Variants in NOS1AP observed in about 807,000 individuals in gnomAD.
The protein encoded by NOS1AP is nitric oxide synthase 1 adaptor protein, also known as carboxyl-terminal PDZ ligand of neuronal nitric oxide synthase protein.
In NOS1AP, 21 loss-of-function variants were observed where a neutral mutation model predicts 56.2. The ratio of observed to expected loss-of-function variants is 0.37; its 90% CI spans 0.26 to 0.54. The LOEUF (loss-of-function observed/expected upper bound fraction) is 0.54, where lower values mean the gene tolerates loss of function less well. Ranked by LOEUF, NOS1AP falls within the 20% of genes least tolerant of loss-of-function variation. NOS1AP has a pLI of 0.84. For synonymous variants in NOS1AP, 270 were observed against 274.6 expected (o/e 0.98, Z 0.17); for missense variants, 522 against 657.8 (o/e 0.79, Z 2.26).
At chr1:162,219,028 C>A (rs1382277674) in intron 2 of NOS1AP, among the ~76,000 whole-genome samples, 2 of 152,038 alleles carry the variant, frequency 1.3e-5, no homozygotes, top group African/African-American at 2.4e-5. Context: ...GCAGCAGCAG[C>A]AGAATGTGCA....
chr1:162,317,727 A>G (rs1247640888), intron 4 of NOS1AP: 3 of 152,126 alleles, frequency 2.0e-5, no homozygotes, highest in Non-Finnish European at 2.9e-5. Flanking sequence ...TAACAGCAAA[A>G]TGATTTTGAT....
At chr1:162,193,734 C>T (rs1323211414) in intron 2 of NOS1AP, among the ~76,000 whole-genome samples, 1 of 152,114 alleles carries the variant, frequency 6.6e-6, no homozygotes, top group Admixed American at 6.5e-5. Flanking sequence ...AAAAGGGGCC[C>T]TTTTCAGAAA....
intron 2 of NOS1AP, among the ~76,000 whole-genome samples, chr1:162,211,676 T>C (rs1410706827): frequency 6.6e-6 from 1 of 152,188 alleles, no homozygotes; most frequent in East Asian, 1.9e-4. Context: ...CTTTCTTTCC[T>C]TGTTTCCCTG....
At chr1:162,332,869 G>A in intron 4 of NOS1AP, 148 bp from the exon 5 acceptor site, 1 of 688,064 alleles carries the variant, frequency 1.5e-6, no homozygotes, top group East Asian at 2.7e-5. Flanking sequence ...CCTGCATTGT[G>A]ACTTTTTGAT....
chr1:162,128,753 CAG>C (rs1168516468), intron 1 of NOS1AP, among the ~76,000 whole-genome samples: 1 of 149,880 alleles, frequency 6.7e-6, no homozygotes, highest in Non-Finnish European at 1.5e-5. Flanking sequence ...ATTCTACAAA[CAG>C]GGAAAAAAAA....
chr1:162,119,497 G>C (rs892413479), intron 1 of NOS1AP, among the ~76,000 whole-genome samples: 1 of 152,174 alleles, frequency 6.6e-6, no homozygotes, highest in East Asian at 1.9e-4. Flanking sequence ...TTCTATAAAA[G>C]CCAAAAAACA....
rs995052641 is a variant in NOS1AP at position 162,156,494 on chromosome 1, T to A, written c.177+2018T>A. Among the ~76,000 whole-genome samples, 3 of 152,148 alleles carry A rather than the reference T, an allele frequency of 2.0e-5. No homozygotes were observed. The South Asian group carries it at 6.2e-4, about 32-fold the overall frequency. ...GCCTCGGCTGGGGAACATCTGGAGG[T>A]GTTACAGTTGTTAGGATGGGCTGCT... On this transcript the variant is annotated intron_variant, in intron 2 of 9. Coordinates refer to ENST00000361897, the MANE Select transcript of NOS1AP (RefSeq NM_014697.3).
At chr1:162,097,017 C>T (rs1692259234) in intron 1 of NOS1AP, among the ~76,000 whole-genome samples, 1 of 152,048 alleles carries the variant, frequency 6.6e-6, no homozygotes, top group African/African-American at 2.4e-5. Context: ...TGTAAGATTG[C>T]TGGAGGGATA....
intron 4 of NOS1AP, among the ~76,000 whole-genome samples, chr1:162,318,921 A>G (rs956694484): frequency 2.6e-5 from 4 of 152,108 alleles, no homozygotes; most frequent in African/African-American, 4.8e-5. Flanking sequence ...TACACAGCTC[A>G]GAATCATATC....
At chr1:162,102,330 G>A (rs10918681) in intron 1 of NOS1AP, among the ~76,000 whole-genome samples, 77,149 of 152,080 alleles carry the variant, frequency 0.51, 21,746 homozygotes, top group Non-Finnish European at 0.64. Flanking sequence ...TTTTTGATGC[G>A]CTGCTGGATT....
At chr1:162,268,845 G>A (rs879677718) in intron 2 of NOS1AP, among the ~76,000 whole-genome samples, 93 of 152,186 alleles carry the variant, frequency 6.1e-4, no homozygotes, top group Admixed American at 1.2e-3. Context: ...ATACAAGTTA[G>A]AAGAGGAAAG....
At chr1:162,173,066 C>T (rs1329714160) in intron 2 of NOS1AP, among the ~76,000 whole-genome samples, 1 of 152,136 alleles carries the variant, frequency 6.6e-6, no homozygotes, top group East Asian at 1.9e-4. Context: ...GTAGCTAGGA[C>T]CACAGGTGGG....
intron 4 of NOS1AP, among the ~76,000 whole-genome samples, chr1:162,332,031 C>T (rs1167903901): frequency 1.3e-5 from 2 of 152,198 alleles, no homozygotes; most frequent in Admixed American, 6.5e-5. Flanking sequence ...ATATAAGCCA[C>T]GACCTTCAAA....
At chr1:162,351,433 C>T (rs536002122) in intron 6 of NOS1AP, among the ~76,000 whole-genome samples, 3 of 152,232 alleles carry the variant, frequency 2.0e-5, no homozygotes, top group Admixed American at 1.3e-4. Context: ...ACCCACAGAC[C>T]GATTACACAT....
At chr1:162,259,254 C>G (rs796193935) in intron 2 of NOS1AP, among the ~76,000 whole-genome samples, 3 of 152,282 alleles carry the variant, frequency 2.0e-5, no homozygotes, top group African/African-American at 7.2e-5. Context: ...TCCAGAAAGG[C>G]ATTCCTAAGA....
At chr1:162,079,986 G>A (rs949395218) in intron 1 of NOS1AP, among the ~76,000 whole-genome samples, 9 of 152,182 alleles carry the variant, frequency 5.9e-5, no homozygotes, top group African/African-American at 2.2e-4. Flanking sequence ...CATCACATTT[G>A]TTCCAGCCCT....
chr1:162,297,477 C>A (rs376257616), intron 3 of NOS1AP, among the ~76,000 whole-genome samples: 1 of 152,304 alleles, frequency 6.6e-6, no homozygotes, highest in African/African-American at 2.4e-5. Context: ...GTCAGGGGAC[C>A]TCCCTGTGCC....
chr1:162,224,167 GAA>G (rs541253703), intron 2 of NOS1AP, among the ~76,000 whole-genome samples: 2 of 139,544 alleles, frequency 1.4e-5, no homozygotes, highest in Admixed American at 7.2e-5. Context: ...TTTGGGGACA[GAA>G]AAAAAAAAAA....
intron 1 of NOS1AP, among the ~76,000 whole-genome samples, chr1:162,124,613 C>A (rs112200391): frequency 0.1 from 15,301 of 152,020 alleles, 2,588 homozygotes; most frequent in African/African-American, 0.35. Flanking sequence ...ACCTCTGCCT[C>A]CCAGGTTCAA....
Sources: gnomAD v4.1 joint callset for allele counts (sites outside exome capture counted in the v4.1 genomes callset) on GRCh38, gnomAD v4.1.1 for gene constraint, MANE v1.5 for transcripts, NCBI Gene and HGNC (gene_info 2026-07-23, HGNC 2026-07-21) for gene names.